The following WDTC1 variants were observed in gnomAD, a reference collection of about 807,000 sequenced individuals.
WDTC1 encodes WD and tetratricopeptide repeats 1.
WDTC1 carries 12 observed loss-of-function variants against 76.0 expected under a neutral mutation model. The observed-to-expected ratio is 0.16, with a 90% CI of 0.10 to 0.26. WDTC1 has a LOEUF of 0.26. Among genes scored for constraint, WDTC1 ranks in the 10% least tolerant of loss-of-function variants. WDTC1 has a pLI of 1.00. For missense variants in WDTC1, 511 were observed against 908.8 expected (o/e 0.56, Z 5.63); for synonymous variants, 326 against 350.8 (o/e 0.93, Z 0.79).
chr1:27,281,042 ATTT>A (rs1395692160), intron 3 of WDTC1, among the ~76,000 whole-genome samples: 3 of 151,618 alleles, frequency 2.0e-5, no homozygotes, highest in Non-Finnish European at 2.9e-5. Context: ...CTCTGACCTA[ATTT>A]ACCTTACTGC....
At chr1:27,246,339 T>C (rs1570938006) in intron 1 of WDTC1, among the ~76,000 whole-genome samples, 4 of 152,362 alleles carry the variant, frequency 2.6e-5, no homozygotes, top group Middle Eastern at 3.4e-3. Flanking sequence ...CTTTTGTGAC[T>C]GGCTTCCTTC....
intron 3 of WDTC1, among the ~76,000 whole-genome samples, chr1:27,265,672 G>A (rs1288681379): frequency 2.0e-5 from 3 of 152,006 alleles, no homozygotes; most frequent in East Asian, 3.9e-4. Context: ...ATTGCTGGGC[G>A]CAGTGGCTCA....
At chr1:27,293,901 G>A in intron 7 of WDTC1, 121 bp from the exon 8 acceptor site, 1 of 880,152 alleles carries the variant, frequency 1.1e-6, no homozygotes, top group Non-Finnish European at 1.7e-6. Flanking sequence ...GCTTAGGTAA[G>A]GAGGAAAAAT....
intron 5 of WDTC1, among the ~76,000 whole-genome samples, chr1:27,285,028 C>CTTTTTTT (rs758125297): frequency 1.7e-5 from 2 of 117,046 alleles, no homozygotes; most frequent in African/African-American, 3.2e-5. Flanking sequence ...AGACCTTGGT[C>CTTTTTTT]TTTTTTTTTT....
chr1:27,293,921 A>G (rs1570981786), intron 7 of WDTC1, 101 bp from the exon 8 acceptor site: 2 of 1,115,004 alleles, frequency 1.8e-6, no homozygotes, highest in East Asian at 2.4e-5. Flanking sequence ...TACCTCCTGT[A>G]TGTCTCAGAT....
At chr1:27,289,816 C>A (rs1215514191) in intron 6 of WDTC1, among the ~76,000 whole-genome samples, 1 of 152,140 alleles carries the variant, frequency 6.6e-6, no homozygotes. Context: ...AACCCCGTCT[C>A]CACCAAAAAA....
At chr1:27,290,832 A>T (rs1468642598) in intron 6 of WDTC1, among the ~76,000 whole-genome samples, 1 of 152,198 alleles carries the variant, frequency 6.6e-6, no homozygotes, top group African/African-American at 2.4e-5. Context: ...TATAAATTAT[A>T]ACATAGTCAA....
intron 1 of WDTC1, among the ~76,000 whole-genome samples, chr1:27,239,258 C>G (rs1466223193): frequency 6.7e-6 from 1 of 149,032 alleles, no homozygotes; most frequent in Non-Finnish European, 1.5e-5. Context: ...TGGCTCACAC[C>G]TGTAATCCCA....
In WDTC1 at chr1:27,297,089, G is replaced by A. The variant is rs1270639914; in HGVS notation, c.991G>A (p.Gly331Ser). The A allele has an allele frequency of 1.5e-5, 24 of 1,613,950 alleles. No homozygotes were observed. The highest frequency in any genetic ancestry group is 1.9e-5 in the Non-Finnish European group (23 of 1,179,998). ...GKMSTNGVSN[G>S]VSNGLHLHSN... is the part of the protein sequence containing the mutation. ...GATGTCCACCAACGGTGTGTCCAAC[G>A]GTGTGTCCAATGGCCTGCACCTTCA... Residue 331 changes from glycine to serine, a missense_variant, in exon 11 of 16, where the codon GGT becomes AGT. By Grantham distance (56) the Gly-to-Ser change is moderately conservative. Coordinates refer to ENST00000319394, the MANE Select transcript of WDTC1 (RefSeq NM_001276252.2).
chr1:27,270,527 T>C (rs2012836660), intron 3 of WDTC1, among the ~76,000 whole-genome samples: 1 of 152,078 alleles, frequency 6.6e-6, no homozygotes, highest in South Asian at 2.1e-4. Flanking sequence ...ACCCTGTCTC[T>C]ACTAAAAATA....
chr1:27,307,460 G>T lies in WDTC1; in HGVS notation c.*1077G>T. On this transcript the variant is annotated 3_prime_UTR_variant, in exon 16 of 16. Coordinates refer to ENST00000319394, the MANE Select transcript of WDTC1 (RefSeq NM_001276252.2). The surrounding 1 kb of genome is among the most constrained non-coding windows in gnomAD (Gnocchi z 4.1). ...ACTCACCAGGCCTCTCCTCCCCTCTGCCCCCGGCTCTTAGCTCCAGCTGCT... is the reference window on the plus strand; with the variant it reads ...ACTCACCAGGCCTCTCCTCCCCTCTTCCCCCGGCTCTTAGCTCCAGCTGCT... The T allele has an allele frequency of 6.5e-6, 1 of 153,754 alleles. No homozygotes were observed. Among genetic ancestry groups the T allele is most frequent in the Non-Finnish European group, 1.4e-5 (1 of 68,970 alleles). 9.5% of individuals were successfully genotyped at this position (153,754 alleles called of 1,614,324 possible).
intron 1 of WDTC1, among the ~76,000 whole-genome samples, chr1:27,245,571 T>C (rs187697548): frequency 2.0e-5 from 3 of 151,110 alleles, no homozygotes; most frequent in Non-Finnish European, 2.9e-5. Context: ...TTTTTTTTTT[T>C]GTTTGTTTGT....
At chr1:27,235,016 C>T in intron 1 of WDTC1, 65 bp downstream of exon 1, 1 of 372,244 alleles carries the variant, frequency 2.7e-6, no homozygotes, top group Non-Finnish European at 4.8e-6. Flanking sequence ...CCCGCAGCCC[C>T]GGTGAACGGG....
At chr1:27,245,031 A>T (rs1455293258) in intron 1 of WDTC1, among the ~76,000 whole-genome samples, 1 of 151,602 alleles carries the variant, frequency 6.6e-6, no homozygotes, top group African/African-American at 2.4e-5. Context: ...AAAATGCCTC[A>T]CTCAGGGTCA....
chr1:27,271,884 G>T (rs779760811), intron 3 of WDTC1, among the ~76,000 whole-genome samples: 2 of 149,542 alleles, frequency 1.3e-5, no homozygotes, highest in Non-Finnish European at 3.0e-5. Context: ...TGATCCGCCC[G>T]CCTCAGCCTC....
intron 5 of WDTC1, among the ~76,000 whole-genome samples, chr1:27,286,467 C>CTTTTTTTTTTTTTTTTTTTTTTTTTT (rs1172585069): frequency 8.0e-6 from 1 of 124,442 alleles, no homozygotes; most frequent in African/African-American, 3.1e-5. Context: ...GGATTATTTC[C>CTTTTTTTTTTTTTTTTTTTTTTTTTT]TTTTTTTTTT....
chr1:27,295,527 C>T (rs1001584354), intron 9 of WDTC1, among the ~76,000 whole-genome samples: 2 of 151,750 alleles, frequency 1.3e-5, no homozygotes, highest in African/African-American at 2.4e-5. Flanking sequence ...GATCTCGGCT[C>T]ACTGCAACCT....
At chr1:27,269,372 G>C (rs886508727) in intron 3 of WDTC1, among the ~76,000 whole-genome samples, 1 of 150,066 alleles carries the variant, frequency 6.7e-6, no homozygotes, top group Non-Finnish European at 1.5e-5. Context: ...CAGTAAATTC[G>C]TTAGGCTAAC....
intron 6 of WDTC1, 104 bp from the exon 7 acceptor site, chr1:27,292,111 C>A (rs1012168394): frequency 3.2e-6 from 4 of 1,253,330 alleles, no homozygotes; most frequent in East Asian, 2.6e-5. Flanking sequence ...GAAACAGGTC[C>A]AAAGTCCCTC....
Sources: allele counts gnomAD v4.1 joint callset (sites outside exome capture counted in the v4.1 genomes callset), GRCh38; gene constraint gnomAD v4.1.1; non-coding constraint Gnocchi (gnomAD v3.1); transcripts MANE v1.5; gene names NCBI Gene and HGNC (gene_info 2026-07-23, HGNC 2026-07-21).